Variants in ZNF804B observed in about 807,000 individuals in gnomAD.
ZNF804B encodes zinc finger 804B.
A neutral mutation model predicts 101.4 loss-of-function variants in ZNF804B; 80 were observed. The ratio of observed to expected loss-of-function variants is 0.79; its 90% CI spans 0.66 to 0.95. The LOEUF (loss-of-function observed/expected upper bound fraction) is 0.95. ZNF804B is among the 40% of genes least tolerant of loss of function. The pLI, the probability that ZNF804B is intolerant of heterozygous loss-of-function variation, is 0.00. For synonymous variants in ZNF804B, 622 were observed against 558.8 expected (o/e 1.11, Z -1.59); for missense variants, 1,673 against 1,561.9 (o/e 1.07, Z -1.20).
intron 1 of ZNF804B, among the ~76,000 whole-genome samples, chr7:89,078,662 T>G (rs951152678): frequency 1.3e-5 from 2 of 151,762 alleles, no homozygotes; most frequent in African/African-American, 4.8e-5. Context: ...TTTTGCAGTT[T>G]GTTACCTCTC....
At chr7:89,189,113 A>G (rs1216836921) in intron 1 of ZNF804B, among the ~76,000 whole-genome samples, 1 of 152,150 alleles carries the variant, frequency 6.6e-6, no homozygotes, top group Admixed American at 6.6e-5. Flanking sequence ...GCATTCATTT[A>G]CCATTCAGAA....
chr7:88,777,276 G>A (rs1314556182), intron 1 of ZNF804B, among the ~76,000 whole-genome samples: 1 of 152,206 alleles, frequency 6.6e-6, no homozygotes, highest in Non-Finnish European at 1.5e-5. Flanking sequence ...CAAAACTCAT[G>A]AGCGCTAAGA....
chr7:89,333,102 C>T (rs1791012184), intron 3 of ZNF804B, among the ~76,000 whole-genome samples: 1 of 151,828 alleles, frequency 6.6e-6, no homozygotes, highest in Middle Eastern at 3.2e-3. Flanking sequence ...GATGTAAATG[C>T]TTTAGAAGCA....
chr7:88,822,227 G>T (rs951945742), intron 1 of ZNF804B, among the ~76,000 whole-genome samples: 4 of 152,130 alleles, frequency 2.6e-5, no homozygotes, highest in Non-Finnish European at 5.9e-5. Flanking sequence ...AGCCTTGGTT[G>T]TATGAAGAAT....
At chr7:89,243,655 AC>A (rs1789401563) in intron 2 of ZNF804B, among the ~76,000 whole-genome samples, 1 of 151,912 alleles carries the variant, frequency 6.6e-6, no homozygotes, top group African/African-American at 2.4e-5. Context: ...GGAAACATAA[AC>A]AAAGGACTAT....
At chr7:88,946,542 G>A (rs1793132232) in intron 1 of ZNF804B, among the ~76,000 whole-genome samples, 1 of 135,332 alleles carries the variant, frequency 7.4e-6, no homozygotes, top group Non-Finnish European at 1.5e-5. Context: ...AGGGATATTG[G>A]GCTGAAATTT....
intron 1 of ZNF804B, among the ~76,000 whole-genome samples, chr7:89,087,343 A>T (rs1329390881): frequency 1.3e-5 from 2 of 151,948 alleles, no homozygotes; most frequent in African/African-American, 2.4e-5. Context: ...GATTATAAAA[A>T]AAAAGGGTCC....
At chr7:88,876,090 C>G (rs910453995) in intron 1 of ZNF804B, among the ~76,000 whole-genome samples, 1 of 152,124 alleles carries the variant, frequency 6.6e-6, no homozygotes, top group African/African-American at 2.4e-5. Context: ...CTTGTACTCT[C>G]TTCTCGGAGG....
intron 1 of ZNF804B, among the ~76,000 whole-genome samples, chr7:88,894,333 C>G (rs550556616): frequency 2.0e-5 from 3 of 152,098 alleles, no homozygotes; most frequent in South Asian, 4.1e-4. Context: ...CCTGCCTCAG[C>G]CTCCCAAGTA....
chr7:88,876,323 C>T (rs1055339018), intron 1 of ZNF804B, among the ~76,000 whole-genome samples: 3 of 152,100 alleles, frequency 2.0e-5, no homozygotes, highest in Non-Finnish European at 2.9e-5. Flanking sequence ...TTTTTGAATT[C>T]TCTAATAGGG....
At chr7:89,113,780 G>A (rs910049510) in intron 1 of ZNF804B, among the ~76,000 whole-genome samples, 1 of 151,964 alleles carries the variant, frequency 6.6e-6, no homozygotes, top group East Asian at 1.9e-4. Flanking sequence ...GTGAAACCTC[G>A]TCTCTACTAA....
At chr7:89,299,136 T>C (rs1031522312) in intron 2 of ZNF804B, among the ~76,000 whole-genome samples, 1 of 152,054 alleles carries the variant, frequency 6.6e-6, no homozygotes, top group East Asian at 1.9e-4. Context: ...TATATATAGA[T>C]TGCTAGCATT....
At chr7:89,315,314 G>A (rs1372323332) in intron 2 of ZNF804B, among the ~76,000 whole-genome samples, 4 of 151,990 alleles carry the variant, frequency 2.6e-5, no homozygotes, top group Admixed American at 6.6e-5. Flanking sequence ...TCCACCACTG[G>A]GGATTATAAT....
chr7:88,857,257 A>G (rs557808407), intron 1 of ZNF804B, among the ~76,000 whole-genome samples: 1 of 152,178 alleles, frequency 6.6e-6, no homozygotes, highest in Non-Finnish European at 1.5e-5. Context: ...GAAATAACTA[A>G]GATCAGAGCA....
chr7:88,837,067 T>C (rs1333019202), intron 1 of ZNF804B, among the ~76,000 whole-genome samples: 1 of 152,114 alleles, frequency 6.6e-6, no homozygotes, highest in Non-Finnish European at 1.5e-5. Flanking sequence ...AAAGTTTTTC[T>C]GCTGCATATC....
intron 2 of ZNF804B, among the ~76,000 whole-genome samples, chr7:89,308,949 C>T (rs753223151): frequency 1.3e-5 from 2 of 152,110 alleles, no homozygotes; most frequent in East Asian, 1.9e-4. Context: ...GAAACTAATC[C>T]TAAAACTTCT....
chr7:88,838,481 G>A (rs1261801853), intron 1 of ZNF804B, among the ~76,000 whole-genome samples: 5 of 151,876 alleles, frequency 3.3e-5, no homozygotes, highest in Non-Finnish European at 5.9e-5. Context: ...ATTATTTGAA[G>A]TATTTATTTG....
At chr7:88,806,820 G>A (rs1583948322) in intron 1 of ZNF804B, among the ~76,000 whole-genome samples, 3 of 152,046 alleles carry the variant, frequency 2.0e-5, no homozygotes, top group Non-Finnish European at 4.4e-5. Flanking sequence ...AGAGGTTAAG[G>A]CCAATGGTGT....
intron 1 of ZNF804B, among the ~76,000 whole-genome samples, chr7:89,045,719 A>C (rs1202478460): frequency 6.6e-6 from 1 of 151,942 alleles, no homozygotes. Flanking sequence ...TGGTGTATTT[A>C]CCCAATCCCT....
Sources: gnomAD v4.1 joint callset for allele counts (sites outside exome capture counted in the v4.1 genomes callset) on GRCh38, gnomAD v4.1.1 for gene constraint, MANE v1.5 for transcripts, NCBI Gene and HGNC (gene_info 2026-07-23, HGNC 2026-07-21) for gene names.